The following ZDHHC20 variants were observed in gnomAD, a reference collection of about 807,000 sequenced individuals.
The protein encoded by ZDHHC20 is palmitoyltransferase ZDHHC20.
Under a neutral mutation model 57.8 loss-of-function variants are expected in ZDHHC20, and 43 were observed. The ratio of observed to expected loss-of-function variants is 0.74; its 90% CI spans 0.58 to 0.96. ZDHHC20 has a LOEUF of 0.96. Ranked by LOEUF, ZDHHC20 falls within the 40% of genes least tolerant of loss-of-function variation. The pLI, the probability that ZDHHC20 is intolerant of heterozygous loss-of-function variation, is 0.00. For missense variants in ZDHHC20, 391 were observed against 441.1 expected, an observed-to-expected ratio of 0.89 and a Z score of 1.02; for synonymous variants, 157 against 153.0, an observed-to-expected ratio of 1.03 and a Z score of -0.19.
At chr13:21,449,628 A>AATT (rs946703922) in intron 1 of ZDHHC20, among the ~76,000 whole-genome samples, 3 of 151,850 alleles carry the variant, frequency 2.0e-5, no homozygotes, top group African/African-American at 4.8e-5. Flanking sequence ...AGAAGGTACA[A>AATT]ATTATTATTA....
At chr13:21,433,790 G>A (rs1187680154) in intron 1 of ZDHHC20, among the ~76,000 whole-genome samples, 1 of 152,142 alleles carries the variant, frequency 6.6e-6, no homozygotes, top group African/African-American at 2.4e-5. Flanking sequence ...CCATGACCAT[G>A]GCGTAGCTCT....
intron 3 of ZDHHC20, 90 bp downstream of exon 3, chr13:21,420,970 CA>C (rs1471261314): frequency 1.3e-5 from 12 of 946,642 alleles, no homozygotes; most frequent in Admixed American, 2.1e-5. Context: ...AGAACACATG[CA>C]TTATGTAAAG....
chr13:21,453,996 G>A (rs1483024010), intron 1 of ZDHHC20, among the ~76,000 whole-genome samples: 1 of 152,068 alleles, frequency 6.6e-6, no homozygotes, highest in Non-Finnish European at 1.5e-5. Flanking sequence ...TCAGACACAA[G>A]CCACCATGCC....
intron 1 of ZDHHC20, among the ~76,000 whole-genome samples, chr13:21,429,944 T>C (rs571906625): frequency 1.3e-5 from 2 of 152,348 alleles, no homozygotes; most frequent in East Asian, 3.9e-4. Context: ...AATCTCCATC[T>C]GGTTCTTTAC....
At chr13:21,430,358 T>C (rs1341944256) in intron 1 of ZDHHC20, among the ~76,000 whole-genome samples, 2 of 151,930 alleles carry the variant, frequency 1.3e-5, no homozygotes, top group East Asian at 1.9e-4. Flanking sequence ...ATAGCCTCCA[T>C]TGACACCATG....
chr13:21,393,699 C>CAAAAAAAAAAAAAAAAAA (rs71093307), intron 7 of ZDHHC20, among the ~76,000 whole-genome samples: 6 of 63,414 alleles, frequency 9.5e-5, no homozygotes, highest in African/African-American at 4.5e-4. Context: ...GCAAGTCTCA[C>CAAAAAAAAAAAAAAAAAA]AAAAAAAAAA....
intron 6 of ZDHHC20, 45 bp from the exon 7 acceptor site, chr13:21,400,538 C>G (rs139457078): frequency 1.3e-6 from 2 of 1,514,854 alleles, no homozygotes; most frequent in Non-Finnish European, 1.8e-6. Flanking sequence ...AGACAAATCA[C>G]AAATTCACAG....
At chr13:21,442,915 T>C (rs776463230) in intron 1 of ZDHHC20, among the ~76,000 whole-genome samples, 1 of 152,216 alleles carries the variant, frequency 6.6e-6, no homozygotes, top group Non-Finnish European at 1.5e-5. Flanking sequence ...CAGAGAAATC[T>C]ACATGGATGC....
At chr13:21,401,806 C>A in intron 5 of ZDHHC20, 121 bp from the exon 6 acceptor site, 1 of 824,394 alleles carries the variant, frequency 1.2e-6, no homozygotes, top group Non-Finnish European at 1.8e-6. Context: ...GAGAATCAAC[C>A]CAGAAACTAG....
At chr13:21,439,398 G>A (rs1357224223) in intron 1 of ZDHHC20, among the ~76,000 whole-genome samples, 1 of 152,144 alleles carries the variant, frequency 6.6e-6, no homozygotes, top group Non-Finnish European at 1.5e-5. Context: ...TACTAAAGAG[G>A]CTGAGGCAGG....
intron 1 of ZDHHC20, among the ~76,000 whole-genome samples, chr13:21,448,212 C>A (rs1281926938): frequency 1.1e-5 from 1 of 87,670 alleles, no homozygotes; most frequent in Non-Finnish European, 2.9e-5. Flanking sequence ...GCCCCCCGCC[C>A]GGCCAGCTGC....
intron 7 of ZDHHC20, among the ~76,000 whole-genome samples, chr13:21,397,811 A>G (rs1877038591): frequency 6.6e-6 from 1 of 152,178 alleles, no homozygotes; most frequent in Admixed American, 6.5e-5. Flanking sequence ...GCATATCCTC[A>G]TAAGCATATG....
rs1433128293 is a variant in ZDHHC20 at position 21,448,357 on chromosome 13, G to A, written c.118+10697C>T. Reference sequence around the variant, plus strand: ...CCCCGCCCGGCCAGCCGCCCCGTCCGGGAGGGAGGTGGGGGGTCAGCCCCC... The same window carrying A: ...CCCCGCCCGGCCAGCCGCCCCGTCCAGGAGGGAGGTGGGGGGTCAGCCCCC... On this transcript the variant is annotated intron_variant, in intron 1 of 12. Transcript: ENST00000400590. Among the ~76,000 whole-genome samples, 11 of 107,090 alleles carry A rather than the reference G, an allele frequency of 1.0e-4. 1 individual carries two copies. The highest frequency in any genetic ancestry group is 2.0e-4 in the Non-Finnish European group (9 of 45,168). 70.3% of individuals were successfully genotyped at this position (107,090 alleles called of 152,430 possible).
intron 1 of ZDHHC20, among the ~76,000 whole-genome samples, chr13:21,451,511 T>C (rs1003379283): frequency 7.2e-5 from 11 of 152,218 alleles, no homozygotes; most frequent in Non-Finnish European, 1.2e-4. Flanking sequence ...TATATTCTAA[T>C]TCAATGTACA....
chr13:21,381,496 C>T lies in ZDHHC20; in HGVS notation c.998G>A (p.Arg333His), dbSNP rs77107022. ...PIKPLSESKNRLLDSESQWLE... is the reference protein window; with the variant it reads ...PIKPLSESKNHLLDSESQWLE... Reference sequence around the variant, plus strand: ...CCACTGAGATTCACTGTCCAACAAGCGGTTTTTTGATTCACTAAGTGGTTT... The same window carrying T: ...CCACTGAGATTCACTGTCCAACAAGTGGTTTTTTGATTCACTAAGTGGTTT... The change falls in exon 11 of 13, where the codon CGC becomes CAC. Residue 333 changes from arginine (R) to histidine (H), a missense_variant. Arg to His is a conservative substitution (Grantham distance 29, BLOSUM62 0). Around this residue, in one of 3 missense-constraint regions of ZDHHC20, gnomAD observed 197 missense variants for 220.8 expected, o/e 0.89. Transcript: ENST00000400590. The T allele has an allele frequency of 0.024, 39,445 of 1,613,622 alleles. 595 individuals carry two copies. The highest frequency in any genetic ancestry group is 0.03 in the Non-Finnish European group (35,134 of 1,179,714).
intron 6 of ZDHHC20, 143 bp from the exon 7 acceptor site, chr13:21,400,636 G>T: frequency 1.3e-6 from 1 of 760,050 alleles, no homozygotes; most frequent in Non-Finnish European, 2.1e-6. Context: ...CAGTTTTGCA[G>T]GATGAAAAAG....
intron 3 of ZDHHC20, among the ~76,000 whole-genome samples, chr13:21,414,211 C>T (rs1879611860): frequency 6.9e-6 from 1 of 145,732 alleles, no homozygotes; most frequent in African/African-American, 2.5e-5. Context: ...CCAAATGTCT[C>T]ATGAAGGCCA....
intron 8 of ZDHHC20, among the ~76,000 whole-genome samples, chr13:21,389,578 A>G (rs1487432638): frequency 1.3e-5 from 2 of 152,214 alleles, no homozygotes; most frequent in Non-Finnish European, 2.9e-5. Context: ...CGGCAAAAAA[A>G]AGTTTGAAAA....
intron 2 of ZDHHC20, among the ~76,000 whole-genome samples, chr13:21,423,001 C>T (rs1009682708): frequency 1.1e-4 from 16 of 152,294 alleles, no homozygotes; most frequent in East Asian, 1.9e-4. Flanking sequence ...AGGTATCATT[C>T]CAGTTTACAG....
Sources: allele counts gnomAD v4.1 joint callset (sites outside exome capture counted in the v4.1 genomes callset), GRCh38; gene constraint gnomAD v4.1.1; regional missense constraint gnomAD v4.1.1; transcripts MANE v1.5; gene names NCBI Gene and HGNC (gene_info 2026-07-23, HGNC 2026-07-21).